KLHL14: variants seen among roughly 807,000 people sequenced by gnomAD.
The protein encoded by KLHL14 is kelch-like protein 14.
A neutral mutation model predicts 64.3 loss-of-function variants in KLHL14; 22 were observed. The ratio of observed to expected loss-of-function variants is 0.34; its 90% confidence interval spans 0.24 to 0.49. The LOEUF is 0.49. Ranked by LOEUF, KLHL14 falls within the 20% of genes least tolerant of loss-of-function variation. KLHL14 has a pLI of 0.99. For missense variants in KLHL14, 661 were observed against 789.0 expected (o/e 0.84, Z 1.94); for synonymous variants, 322 against 333.4 (o/e 0.97, Z 0.37).
At chr18:32,735,697 C>G (rs566082916) in intron 3 of KLHL14, among the ~76,000 whole-genome samples, 50 of 152,284 alleles carry the variant, frequency 3.3e-4, no homozygotes, top group African/African-American at 1.0e-3. Context: ...ATACCCTTCT[C>G]TCAGAGCACT....
At chr18:32,730,495 A>C (rs907896290) in intron 3 of KLHL14, among the ~76,000 whole-genome samples, 1 of 152,224 alleles carries the variant, frequency 6.6e-6, no homozygotes, top group African/African-American at 2.4e-5. Context: ...AGATATTTTT[A>C]ATGCTCAGAG....
At chr18:32,687,479 A>G (rs2049885073) in intron 4 of KLHL14, among the ~76,000 whole-genome samples, 2 of 152,180 alleles carry the variant, frequency 1.3e-5, no homozygotes, top group Admixed American at 6.5e-5. Context: ...TAAATCAACC[A>G]CAATAATCAA....
intron 3 of KLHL14, among the ~76,000 whole-genome samples, chr18:32,719,032 T>C (rs1019127863): frequency 6.6e-6 from 1 of 152,162 alleles, no homozygotes; most frequent in African/African-American, 2.4e-5. Flanking sequence ...CACCACAACC[T>C]CTGCCTCCCG....
intron 5 of KLHL14, among the ~76,000 whole-genome samples, chr18:32,682,244 A>T (rs1217131022): frequency 6.6e-6 from 1 of 152,214 alleles, no homozygotes; most frequent in Non-Finnish European, 1.5e-5. Flanking sequence ...ATCCCAATAG[A>T]TATCATTGAT....
chr18:32,731,821 T>C (rs2050138439), intron 3 of KLHL14, among the ~76,000 whole-genome samples: 1 of 152,142 alleles, frequency 6.6e-6, no homozygotes, highest in South Asian at 2.1e-4. Flanking sequence ...GACAATTGTA[T>C]AAACTCAGAC....
At chr18:32,733,524 T>C (rs1213333831) in intron 3 of KLHL14, among the ~76,000 whole-genome samples, 1 of 152,122 alleles carries the variant, frequency 6.6e-6, no homozygotes, top group African/African-American at 2.4e-5. Flanking sequence ...AGCAAAGTTT[T>C]CTTGAGAGTT....
chr18:32,706,499 A>C (rs2049991254), intron 3 of KLHL14, among the ~76,000 whole-genome samples: 2 of 152,216 alleles, frequency 1.3e-5, no homozygotes, highest in African/African-American at 2.4e-5. Flanking sequence ...AGTAATATTT[A>C]TTTATGAATA....
At chr18:32,702,276 G>A (rs1388205321) in intron 3 of KLHL14, among the ~76,000 whole-genome samples, 1 of 150,450 alleles carries the variant, frequency 6.6e-6, no homozygotes, top group African/African-American at 2.4e-5. Flanking sequence ...CAAATAACCT[G>A]AAAGAAAGAT....
chr18:32,730,225 C>T (rs189862740), intron 3 of KLHL14, among the ~76,000 whole-genome samples: 37 of 152,286 alleles, frequency 2.4e-4, no homozygotes, highest in East Asian at 1.7e-3. Context: ...AAATGGTTAA[C>T]GTTTTGATCC....
Position 32,683,127 on chromosome 18 carries a change from CT to C in KLHL14, c.1239-2529del, listed in dbSNP as rs980711954. On this transcript the variant is annotated intron_variant, in intron 5 of 8. Coordinates refer to ENST00000359358, the MANE Select transcript of KLHL14 (RefSeq NM_020805.3). This position sits in a 1 kb window ranked among gnomAD's most constrained non-coding sequence, Gnocchi z 4.2. ...TTGTCTAAAATTCAGTTTTTTTTCA[CT>C]TTTTATGATCTGGTTCCTTCCTCAC... 2.0e-5 allele frequency among the ~76,000 whole-genome samples: 3 copies of C among 151,942 alleles called. No homozygotes were observed. The highest frequency in any genetic ancestry group is 7.3e-5 in the African/African-American group (3 of 41,348).
At chr18:32,769,578 C>CA in intron 2 of KLHL14, 67 bp downstream of exon 2, 11 of 532,188 alleles carry the variant, frequency 2.1e-5, no homozygotes, top group East Asian at 5.6e-5. Flanking sequence ...TCCCTGCCCC[C>CA]TCCCCTCCCT....
chr18:32,726,173 T>TG (rs2050107260), intron 3 of KLHL14, among the ~76,000 whole-genome samples: 1 of 152,242 alleles, frequency 6.6e-6, no homozygotes, highest in South Asian at 2.1e-4. Context: ...GCCATGCTTA[T>TG]TTACTTAGGT....
At chr18:32,741,832 A>C in intron 3 of KLHL14, 96 bp downstream of exon 3, 1 of 1,292,650 alleles carries the variant, frequency 7.7e-7, no homozygotes, top group South Asian at 1.6e-5. Context: ...AATCAATAAA[A>C]TGTCTAATTT....
intron 3 of KLHL14, among the ~76,000 whole-genome samples, chr18:32,697,238 G>A (rs2049941306): frequency 6.6e-6 from 1 of 152,182 alleles, no homozygotes. Flanking sequence ...AACAGAGGTA[G>A]AATATGTTTG....
intron 3 of KLHL14, among the ~76,000 whole-genome samples, chr18:32,715,684 A>G (rs1184845867): frequency 6.6e-6 from 1 of 152,206 alleles, no homozygotes; most frequent in African/African-American, 2.4e-5. Context: ...ATATTTAAAT[A>G]CGGGTGATCT....
At chr18:32,693,413 C>CAGAGAGAGAG (rs56135629) in intron 4 of KLHL14, among the ~76,000 whole-genome samples, 32 of 97,028 alleles carry the variant, frequency 3.3e-4, no homozygotes, top group South Asian at 3.0e-3. Flanking sequence ...CACACACACA[C>CAGAGAGAGAG]AGAGAGAGAG....
At chr18:32,718,955 C>CT (rs1231168119) in intron 3 of KLHL14, among the ~76,000 whole-genome samples, 354 of 149,188 alleles carry the variant, frequency 2.4e-3, no homozygotes, top group Non-Finnish European at 3.7e-3. Context: ...AACTTTCTTT[C>CT]TTTTTTTTTT....
In KLHL14 at chr18:32,770,463, C is replaced by T. The variant is rs1298730910; in HGVS notation, c.129G>A (p.Gln43=). 2.5e-6 allele frequency: 4 copies of T among 1,612,754 alleles called. No individual in the cohort carries two copies. The highest frequency in any genetic ancestry group is 3.4e-6 in the Non-Finnish European group (4 of 1,179,900). ...CDVTLTAQGQ[Q]FHCHKAVLAS... ...CCAGCACGGCCTTGTGGCAATGGAA[C>T]TGCTGGCCCTGGGCCGTCAGGGTCA... The change falls in exon 2 of 9, where the codon CAG becomes CAA. Residue 43 remains glutamine, a synonymous_variant. Coordinates refer to ENST00000359358, the MANE Select transcript of KLHL14 (RefSeq NM_020805.3). This position sits in a 1 kb window ranked among gnomAD's most constrained non-coding sequence, Gnocchi z 6.7.
chr18:32,759,885 A>T (rs1174407345), intron 2 of KLHL14, among the ~76,000 whole-genome samples: 2 of 152,188 alleles, frequency 1.3e-5, no homozygotes, highest in Non-Finnish European at 2.9e-5. Flanking sequence ...ACTGACTGGG[A>T]TCTCTCACTG....
Sources: gnomAD v4.1 joint callset for allele counts (sites outside exome capture counted in the v4.1 genomes callset) on GRCh38, gnomAD v4.1.1 for gene constraint, Gnocchi (gnomAD v3.1) non-coding constraint, MANE v1.5 for transcripts, NCBI Gene and HGNC (gene_info 2026-07-23, HGNC 2026-07-21) for gene names.